Variants in ZCWPW2 observed in about 807,000 individuals in gnomAD.
ZCWPW2 encodes the protein zinc finger CW-type PWWP domain protein 2.
A neutral mutation model predicts 46.6 loss-of-function variants in ZCWPW2; 45 were observed. The observed-to-expected ratio is 0.96, with a 90% CI of 0.76 to 1.24. The LOEUF (loss-of-function observed/expected upper bound fraction) is 1.24. Ranked by LOEUF, ZCWPW2 falls within the 50% of genes most tolerant of loss-of-function variation. The pLI is 0.00. For synonymous variants in ZCWPW2, 152 were observed against 137.1 expected (o/e 1.11, Z -0.76); for missense variants, 429 against 403.9 (o/e 1.06, Z -0.53).
intron 4 of ZCWPW2, among the ~76,000 whole-genome samples, chr3:28,454,255 T>G (rs1698343000): frequency 6.6e-6 from 1 of 152,206 alleles, no homozygotes; most frequent in South Asian, 2.1e-4. Context: ...TTGACATATA[T>G]ATTGCATTAA....
At chr3:28,365,538 T>G (rs1343439857) in intron 1 of ZCWPW2, among the ~76,000 whole-genome samples, 2 of 141,178 alleles carry the variant, frequency 1.4e-5, no homozygotes, top group Non-Finnish European at 3.2e-5. Context: ...CATGCTGTTT[T>G]GGTTACCGTA....
intron 1 of ZCWPW2, among the ~76,000 whole-genome samples, chr3:28,364,097 G>A (rs145188231): frequency 6.6e-6 from 1 of 152,270 alleles, no homozygotes; most frequent in East Asian, 1.9e-4. Flanking sequence ...CTACACACCA[G>A]AATGGCTAAA....
At chr3:28,438,971 T>C (rs933106487) in intron 4 of ZCWPW2, among the ~76,000 whole-genome samples, 2 of 151,672 alleles carry the variant, frequency 1.3e-5, no homozygotes, top group African/African-American at 4.8e-5. Flanking sequence ...ATGGAAATTA[T>C]TGAGTCTCAG....
intron 4 of ZCWPW2, among the ~76,000 whole-genome samples, chr3:28,476,411 A>G (rs1699240308): frequency 6.6e-6 from 1 of 152,176 alleles, no homozygotes; most frequent in Admixed American, 6.5e-5. Flanking sequence ...GCCTACTGAT[A>G]AGTTCAAAGA....
At chr3:28,522,142 A>T (rs1234080226) in intron 9 of ZCWPW2, among the ~76,000 whole-genome samples, 1 of 152,182 alleles carries the variant, frequency 6.6e-6, no homozygotes, top group Admixed American at 6.6e-5. Context: ...GAGGGATAGC[A>T]TTAGGAGACA....
At chr3:28,490,453 A>T (rs979352683) in intron 5 of ZCWPW2, among the ~76,000 whole-genome samples, 2 of 152,148 alleles carry the variant, frequency 1.3e-5, no homozygotes, top group Admixed American at 1.3e-4. Flanking sequence ...GATAAAGAAA[A>T]TATGGTACAT....
At chr3:28,389,556 GT>G (rs1695407022) in intron 1 of ZCWPW2, among the ~76,000 whole-genome samples, 1 of 152,166 alleles carries the variant, frequency 6.6e-6, no homozygotes, top group Non-Finnish European at 1.5e-5. Context: ...TGGAAATGGA[GT>G]TATTAGTGTC....
intron 4 of ZCWPW2, among the ~76,000 whole-genome samples, chr3:28,449,548 A>G (rs1698142639): frequency 6.6e-6 from 1 of 152,182 alleles, no homozygotes; most frequent in African/African-American, 2.4e-5. Flanking sequence ...TTATTGTTTA[A>G]TGGACACAGA....
intron 4 of ZCWPW2, among the ~76,000 whole-genome samples, chr3:28,469,092 G>C (rs1698940232): frequency 6.6e-6 from 1 of 152,100 alleles, no homozygotes; most frequent in South Asian, 2.1e-4. Context: ...TTAAAGTTCA[G>C]AGGTGTTTTC....
At chr3:28,387,797 G>A (rs985007828) in intron 1 of ZCWPW2, among the ~76,000 whole-genome samples, 3 of 152,162 alleles carry the variant, frequency 2.0e-5, no homozygotes, top group African/African-American at 7.2e-5. Context: ...GCTCTGGAAT[G>A]TAATTTTAGA....
intron 2 of ZCWPW2, among the ~76,000 whole-genome samples, chr3:28,396,592 G>T (rs1695708968): frequency 6.6e-6 from 1 of 152,168 alleles, no homozygotes; most frequent in African/African-American, 2.4e-5. Flanking sequence ...TCTGAAGACA[G>T]TGGTGATACA....
At chr3:28,375,076 T>C (rs564258778) in intron 1 of ZCWPW2, among the ~76,000 whole-genome samples, 1 of 152,204 alleles carries the variant, frequency 6.6e-6, no homozygotes, top group Admixed American at 6.5e-5. Flanking sequence ...TTTATCATTA[T>C]ATAATGATCC....
intron 1 of ZCWPW2, among the ~76,000 whole-genome samples, chr3:28,386,984 A>AT (rs1575075540): frequency 6.6e-6 from 1 of 152,030 alleles, no homozygotes; most frequent in East Asian, 1.9e-4. Flanking sequence ...AGCAGTAAAA[A>AT]CTTCCTGTTC....
At chr3:28,435,939 C>G (rs1214190708) in intron 4 of ZCWPW2, among the ~76,000 whole-genome samples, 2 of 152,112 alleles carry the variant, frequency 1.3e-5, no homozygotes, top group African/African-American at 2.4e-5. Flanking sequence ...CACAGGAAAA[C>G]TTAATTATGG....
chr3:28,457,020 T>A (rs982103711), intron 4 of ZCWPW2, among the ~76,000 whole-genome samples: 8 of 152,158 alleles, frequency 5.3e-5, no homozygotes, highest in African/African-American at 1.9e-4. Flanking sequence ...CCTTCTCTAT[T>A]TTTTGGAATA....
intron 1 of ZCWPW2, among the ~76,000 whole-genome samples, chr3:28,359,758 A>C (rs1308825877): frequency 6.6e-6 from 1 of 152,170 alleles, no homozygotes; most frequent in Non-Finnish European, 1.5e-5. Context: ...AGATACGTTC[A>C]TGAAACATTC....
At chr3:28,475,812 TGA>T in intron 4 of ZCWPW2, among the ~76,000 whole-genome samples, 1 of 152,292 alleles carries the variant, frequency 6.6e-6, no homozygotes, top group Admixed American at 6.5e-5. Flanking sequence ...ACCTTTTTGA[TGA>T]GAGTTACCTT....
At chr3:28,467,556 G>A (rs1172075024) in intron 4 of ZCWPW2, among the ~76,000 whole-genome samples, 3 of 152,198 alleles carry the variant, frequency 2.0e-5, no homozygotes, top group Admixed American at 6.5e-5. Context: ...TACTGTGCTG[G>A]CTTCAGATCT....
intron 1 of ZCWPW2, among the ~76,000 whole-genome samples, chr3:28,369,502 A>T (rs1204594168): frequency 6.6e-6 from 1 of 152,120 alleles, no homozygotes; most frequent in East Asian, 1.9e-4. Context: ...TTGCTGCCTG[A>T]TCATTCCTCT....
Sources: allele counts gnomAD v4.1 joint callset (sites outside exome capture counted in the v4.1 genomes callset), GRCh38; gene constraint gnomAD v4.1.1; transcripts MANE v1.5; gene names NCBI Gene and HGNC (gene_info 2026-07-23, HGNC 2026-07-21).